Variants in PALM2AKAP2 observed in about 807,000 individuals in gnomAD.
PALM2AKAP2 encodes PALM2-AKAP2 fusion protein.
Under a neutral mutation model 71.5 loss-of-function variants are expected in PALM2AKAP2, and 37 were observed. The observed-to-expected ratio is 0.52, with a 90% CI of 0.40 to 0.68. The LOEUF is 0.68. Among genes scored for constraint, PALM2AKAP2 ranks in the 30% least tolerant of loss-of-function variants. The pLI is 0.00. For synonymous variants in PALM2AKAP2, 468 were observed against 478.8 expected, an observed-to-expected ratio of 0.98 and a Z score of 0.29; for missense variants, 1,224 against 1,191.8, an observed-to-expected ratio of 1.03 and a Z score of -0.40.
chr9:110,077,979 A>G (rs865978102), intron 1 of PALM2AKAP2, among the ~76,000 whole-genome samples: 2 of 150,350 alleles, frequency 1.3e-5, no homozygotes, highest in Non-Finnish European at 3.0e-5. Flanking sequence ...GCGCTACTGC[A>G]CTCCAGCCTG....
rs1287276521 is a variant in PALM2AKAP2 at position 110,006,575 on chromosome 9, C to T, written c.497-9379C>T. On this transcript the variant is annotated intron_variant, in intron 6 of 9. Coordinates refer to the PALM2AKAP2 transcript ENST00000302798. ...ATGGGGTCTCGCCATGTTGCCCAGG[C>T]TGGTCTTGAATTCCTGGGCTCAAGT... is the stretch of plus-strand genomic sequence containing the variant. Among the ~76,000 whole-genome samples, 7 of 151,894 alleles carry T rather than the reference C, an allele frequency of 4.6e-5. No individual in the cohort carries two copies. The East Asian group carries it at 1.4e-3, about 29-fold the overall frequency.
intron 1 of PALM2AKAP2, among the ~76,000 whole-genome samples, chr9:110,122,276 C>G (rs971228573): frequency 6.6e-6 from 1 of 152,224 alleles, no homozygotes; most frequent in African/African-American, 2.4e-5. Flanking sequence ...GATCGATTCT[C>G]CCGCTTCAGC....
chr9:110,136,096 A>G, intron 1 of PALM2AKAP2, 31 bp from the exon 8 acceptor site: 1 of 1,533,652 alleles, frequency 6.5e-7, no homozygotes. Flanking sequence ...TGCAGTATTT[A>G]ACCCTGACTT....
intron 3 of PALM2AKAP2, among the ~76,000 whole-genome samples, chr9:109,906,210 G>A (rs1031602299): frequency 2.6e-5 from 4 of 152,056 alleles, no homozygotes; most frequent in Non-Finnish European, 5.9e-5. Context: ...ATTTTGCGGG[G>A]GTAGGGGGGA....
intron 3 of PALM2AKAP2, 103 bp downstream of exon 3, chr9:109,880,784 A>G: frequency 7.0e-7 from 1 of 1,425,178 alleles, no homozygotes; most frequent in Non-Finnish European, 9.2e-7. Flanking sequence ...CTTCTCCTGT[A>G]CTTGAGAATT....
At chr9:109,701,515 T>C (rs1033381930) in intron 1 of PALM2AKAP2, among the ~76,000 whole-genome samples, 1 of 152,196 alleles carries the variant, frequency 6.6e-6, no homozygotes, top group Non-Finnish European at 1.5e-5. Flanking sequence ...ATTTAATAAA[T>C]GATGCTGGGA....
intron 1 of PALM2AKAP2, among the ~76,000 whole-genome samples, chr9:109,787,080 C>T (rs756863781): frequency 2.0e-5 from 3 of 151,990 alleles, no homozygotes; most frequent in Non-Finnish European, 4.4e-5. Context: ...GACGGTGGTC[C>T]CAAGGGCTGT....
intron 6 of PALM2AKAP2, among the ~76,000 whole-genome samples, chr9:109,932,543 A>C (rs1368538695): frequency 6.6e-6 from 1 of 152,252 alleles, no homozygotes; most frequent in East Asian, 1.9e-4. Context: ...TTTGGGAGGA[A>C]AAGAAGCAAT....
At chr9:109,983,341 C>G (rs1225244257) in intron 6 of PALM2AKAP2, among the ~76,000 whole-genome samples, 1 of 152,092 alleles carries the variant, frequency 6.6e-6, no homozygotes, top group Non-Finnish European at 1.5e-5. Flanking sequence ...TCTACCATCC[C>G]TTTGCTTTTT....
intron 1 of PALM2AKAP2, among the ~76,000 whole-genome samples, chr9:109,661,149 C>A (rs1413218911): frequency 1.3e-5 from 2 of 152,194 alleles, no homozygotes; most frequent in Non-Finnish European, 2.9e-5. Context: ...TTTTGCCATG[C>A]AGAAGCTCTT....
At chr9:110,144,896 C>T (rs1751732107) in intron 2 of PALM2AKAP2, among the ~76,000 whole-genome samples, 1 of 152,110 alleles carries the variant, frequency 6.6e-6, no homozygotes, top group African/African-American at 2.4e-5. Context: ...TTAAGTTGCC[C>T]AAGGTCACTC....
intron 1 of PALM2AKAP2, among the ~76,000 whole-genome samples, chr9:109,750,523 T>A (rs1828871152): frequency 6.6e-6 from 1 of 151,518 alleles, no homozygotes; most frequent in South Asian, 2.1e-4. Context: ...GGCCAACCAG[T>A]GGAGACAAAA....
intron 1 of PALM2AKAP2, among the ~76,000 whole-genome samples, chr9:109,703,458 T>C (rs1259223952): frequency 2.0e-5 from 3 of 152,218 alleles, no homozygotes; most frequent in Non-Finnish European, 4.4e-5. Flanking sequence ...GTTTTTATGA[T>C]AATTCTATTA....
chr9:110,088,402 A>C (rs1834620300), intron 1 of PALM2AKAP2, among the ~76,000 whole-genome samples: 1 of 152,216 alleles, frequency 6.6e-6, no homozygotes, highest in Non-Finnish European at 1.5e-5. Flanking sequence ...TATGCAAATG[A>C]AGATTTGGCC....
chr9:109,782,733 C>T (rs893131585), intron 1 of PALM2AKAP2, among the ~76,000 whole-genome samples: 3 of 138,108 alleles, frequency 2.2e-5, no homozygotes, highest in Non-Finnish European at 3.0e-5. Context: ...TTGCTAACAG[C>T]GTGTGTTTGT....
chr9:109,901,335 G>A (rs774201536), intron 3 of PALM2AKAP2, among the ~76,000 whole-genome samples: 10 of 152,170 alleles, frequency 6.6e-5, no homozygotes, highest in South Asian at 2.1e-4. Flanking sequence ...TTAGCTCCAC[G>A]TGGAGGTTGT....
intron 1 of PALM2AKAP2, among the ~76,000 whole-genome samples, chr9:110,064,833 C>T (rs1322311898): frequency 6.6e-6 from 1 of 152,204 alleles, no homozygotes; most frequent in Non-Finnish European, 1.5e-5. Context: ...ATGATGGATG[C>T]CTGGACTTGT....
chr9:109,822,604 A>G (rs571965939), intron 1 of PALM2AKAP2, among the ~76,000 whole-genome samples: 1 of 152,130 alleles, frequency 6.6e-6, no homozygotes, highest in South Asian at 2.1e-4. Flanking sequence ...TTTAGCTCCC[A>G]CTTATAAATG....
intron 1 of PALM2AKAP2, among the ~76,000 whole-genome samples, chr9:109,824,013 C>T (rs1227195957): frequency 1.3e-5 from 2 of 152,094 alleles, no homozygotes; most frequent in African/African-American, 4.8e-5. Flanking sequence ...CCTCAGACTC[C>T]CAAGTATCTG....
Sources: gnomAD v4.1 joint callset for allele counts (sites outside exome capture counted in the v4.1 genomes callset) on GRCh38, gnomAD v4.1.1 for gene constraint, MANE v1.5 for transcripts, NCBI Gene and HGNC (gene_info 2026-07-23, HGNC 2026-07-21) for gene names.